THSD7B: variants seen among roughly 807,000 people sequenced by gnomAD.
THSD7B encodes thrombospondin type 1 domain containing 7B.
A neutral mutation model predicts 213.6 loss-of-function variants in THSD7B; 138 were observed. The ratio of observed to expected loss-of-function variants is 0.65; its 90% CI spans 0.56 to 0.74. The LOEUF (loss-of-function observed/expected upper bound fraction) is 0.74, where lower values mean the gene tolerates loss of function less well. THSD7B is among the 30% of genes least tolerant of loss of function. The pLI is 0.00. For synonymous variants in THSD7B, 742 were observed against 687.0 expected (o/e 1.08, Z -1.25); for missense variants, 1,931 against 1,991.5 (o/e 0.97, Z 0.58).
chr2:137,189,379 C>G (rs1680613674), intron 7 of THSD7B, among the ~76,000 whole-genome samples: 2 of 152,176 alleles, frequency 1.3e-5, no homozygotes, highest in Non-Finnish European at 1.5e-5. Flanking sequence ...CCTGTAACAT[C>G]ATCCCCAGCA....
At chr2:136,916,244 T>C (rs1189257909) in intron 2 of THSD7B, among the ~76,000 whole-genome samples, 1 of 152,216 alleles carries the variant, frequency 6.6e-6, no homozygotes, top group Non-Finnish European at 1.5e-5. Context: ...CTGTGGGGAA[T>C]TGGGTTGTAA....
chr2:137,578,618 C>A (rs961880873), intron 17 of THSD7B, among the ~76,000 whole-genome samples: 2 of 152,126 alleles, frequency 1.3e-5, no homozygotes, highest in African/African-American at 4.8e-5. Flanking sequence ...ACATTACTGC[C>A]TGCTAAAACA....
chr2:137,481,901 G>A (rs1384663680), intron 15 of THSD7B, among the ~76,000 whole-genome samples: 1 of 152,192 alleles, frequency 6.6e-6, no homozygotes, highest in African/African-American at 2.4e-5. Flanking sequence ...TAGCCGGCTG[G>A]CCGCAGTGGC....
intron 10 of THSD7B, among the ~76,000 whole-genome samples, chr2:137,258,556 G>A (rs537466316): frequency 6.6e-6 from 1 of 151,796 alleles, no homozygotes; most frequent in Non-Finnish European, 1.5e-5. Context: ...TCTCATTGAA[G>A]ATTTTGAAAT....
intron 5 of THSD7B, among the ~76,000 whole-genome samples, chr2:137,117,569 C>G (rs553802756): frequency 2.4e-4 from 37 of 152,164 alleles, no homozygotes; most frequent in African/African-American, 8.9e-4. Context: ...ATTGACATCC[C>G]CACAAGGTTA....
chr2:137,207,208 G>T (rs1329693848), intron 7 of THSD7B, among the ~76,000 whole-genome samples: 1 of 152,044 alleles, frequency 6.6e-6, no homozygotes, highest in African/African-American at 2.4e-5. Flanking sequence ...TTAACAACTT[G>T]ACCAGGTAGA....
intron 7 of THSD7B, among the ~76,000 whole-genome samples, chr2:137,202,487 G>A (rs748024161): frequency 6.6e-5 from 10 of 152,062 alleles, no homozygotes; most frequent in Admixed American, 5.2e-4. Flanking sequence ...ACCACAAGCC[G>A]GGGGCATCGA....
At chr2:136,960,213 C>T (rs1409577055) in intron 2 of THSD7B, among the ~76,000 whole-genome samples, 1 of 152,104 alleles carries the variant, frequency 6.6e-6, no homozygotes, top group Non-Finnish European at 1.5e-5. Context: ...CTGTGGCCTC[C>T]ACCTCCCAGG....
chr2:137,670,829 G>A (rs1573778712), intron 27 of THSD7B, among the ~76,000 whole-genome samples: 1 of 151,200 alleles, frequency 6.6e-6, no homozygotes, highest in African/African-American at 2.4e-5. Context: ...GCTGAGGCAG[G>A]AGAATGGTGT....
chr2:137,167,587 A>T (rs1039892668), intron 6 of THSD7B, among the ~76,000 whole-genome samples: 1 of 152,148 alleles, frequency 6.6e-6, no homozygotes, highest in African/African-American at 2.4e-5. Flanking sequence ...CATGGCTTCA[A>T]TTAAAAAACA....
intron 12 of THSD7B, among the ~76,000 whole-genome samples, chr2:137,373,983 A>G (rs1161214170): frequency 6.6e-6 from 1 of 152,094 alleles, no homozygotes; most frequent in Non-Finnish European, 1.5e-5. Flanking sequence ...TGTTTTTCTC[A>G]GGTTTGTCAA....
chr2:136,937,217 T>C (rs1369929431), intron 2 of THSD7B, among the ~76,000 whole-genome samples: 2 of 151,986 alleles, frequency 1.3e-5, no homozygotes, highest in Admixed American at 1.3e-4. Context: ...GAATTCCTAT[T>C]CTAGCCACTC....
intron 1 of THSD7B, among the ~76,000 whole-genome samples, chr2:136,795,790 T>C (rs1263918878): frequency 2.0e-5 from 3 of 152,058 alleles, no homozygotes; most frequent in African/African-American, 7.2e-5. Flanking sequence ...TCTATTTTTC[T>C]CTTCTAATCT....
chr2:136,858,283 T>C (rs1280480766), intron 1 of THSD7B, among the ~76,000 whole-genome samples: 1 of 152,216 alleles, frequency 6.6e-6, no homozygotes, highest in African/African-American at 2.4e-5. Context: ...TGAAAATGTC[T>C]ACTTTGAAAA....
At chr2:137,214,120 G>C (rs574597979) in intron 7 of THSD7B, among the ~76,000 whole-genome samples, 23 of 152,240 alleles carry the variant, frequency 1.5e-4, no homozygotes, top group Admixed American at 1.4e-3. Context: ...TTTGATTCTA[G>C]ATAATAACTC....
At chr2:137,069,183 A>T (rs942760891) in intron 3 of THSD7B, among the ~76,000 whole-genome samples, 2 of 152,030 alleles carry the variant, frequency 1.3e-5, no homozygotes, top group African/African-American at 4.8e-5. Flanking sequence ...CCATTATTAC[A>T]TTTAAAAATA....
chr2:137,461,859 C>T (rs1687892575), intron 15 of THSD7B, among the ~76,000 whole-genome samples: 1 of 152,122 alleles, frequency 6.6e-6, no homozygotes, highest in Non-Finnish European at 1.5e-5. Flanking sequence ...AGCCCTCATC[C>T]AGGCTGTCTC....
chr2:137,110,345 G>A (rs577362156), intron 4 of THSD7B, among the ~76,000 whole-genome samples: 1 of 152,254 alleles, frequency 6.6e-6, no homozygotes, highest in African/African-American at 2.4e-5. Context: ...TGTTTGGACA[G>A]GCCTATTTCT....
intron 15 of THSD7B, among the ~76,000 whole-genome samples, chr2:137,451,423 G>A (rs1488162612): frequency 6.6e-6 from 1 of 151,738 alleles, no homozygotes; most frequent in Non-Finnish European, 1.5e-5. Context: ...ATGATTAGTG[G>A]TCTTATCCAT....
Sources: gnomAD v4.1 joint callset for allele counts (sites outside exome capture counted in the v4.1 genomes callset) on GRCh38, gnomAD v4.1.1 for gene constraint, MANE v1.5 for transcripts, NCBI Gene and HGNC (gene_info 2026-07-23, HGNC 2026-07-21) for gene names.